Variants in SRRM2 observed in about 807,000 individuals in gnomAD.
SRRM2 encodes serine/arginine repetitive matrix 2, also known as serine/arginine repetitive matrix protein 2.
A neutral mutation model predicts 213.8 loss-of-function variants in SRRM2; 30 were observed. That is an observed-to-expected ratio of 0.14 (90% CI 0.10 to 0.19). The LOEUF is 0.19. SRRM2 is among the 10% of genes least tolerant of loss of function. SRRM2 has a pLI of 1.00. For synonymous variants in SRRM2, 2,025 were observed against 1,377.7 expected, an observed-to-expected ratio of 1.47 and a Z score of -10.40; for missense variants, 4,904 against 3,647.0, an observed-to-expected ratio of 1.34 and a Z score of -8.88.
At chr16:2,758,395 A>C (rs1281786630) in intron 4 of SRRM2, 75 bp from the exon 5 acceptor site, 1 of 1,281,276 alleles carries the variant, frequency 7.8e-7, no homozygotes, top group Admixed American at 1.9e-5. Flanking sequence ...CTATTTTTTT[A>C]GACTCTGTCT....
intron 1 of SRRM2, among the ~76,000 whole-genome samples, chr16:2,755,926 G>C (rs1435507449): frequency 6.6e-6 from 1 of 152,206 alleles, no homozygotes; most frequent in East Asian, 1.9e-4. Context: ...GGTTACCAGA[G>C]GTTAGGAATT....
In SRRM2 at chr16:2,752,815, TC is replaced by T; in HGVS notation, c.-58del. ...CGAGCAGCGGCGGCGGCAAGACCTCTCCCCCTCGGAGGCGGCGGGCGGAGGC... is the reference window on the plus strand; with the variant it reads ...CGAGCAGCGGCGGCGGCAAGACCTCTCCCCTCGGAGGCGGCGGGCGGAGGC... On this transcript the variant is annotated 5_prime_UTR_variant, in exon 1 of 15. Transcript: ENST00000301740. 6.3e-6 allele frequency: 2 copies of T among 317,402 alleles called. No homozygotes were observed. The highest frequency in any genetic ancestry group is 2.2e-5 in the South Asian group (1 of 46,490). The allele number at this position is 317,402 out of a possible 1,614,324, so 19.7% of individuals were successfully genotyped here.
In SRRM2 at chr16:2,764,517, C is replaced by T. The variant is rs201185937; in HGVS notation, c.3989C>T (p.Pro1330Leu). The change falls in exon 11 of 15, where the codon CCT becomes CTT. Residue 1330 changes from proline (P) to leucine (L), a missense_variant. Pro to Leu is a moderately conservative substitution (Grantham distance 98, BLOSUM62 -3). Coordinates refer to ENST00000301740, the MANE Select transcript of SRRM2 (RefSeq NM_016333.4). Reference protein sequence around the residue: ...SPLRENSFGSPLEFRNSGPLG... With the variant: ...SPLRENSFGSLLEFRNSGPLG... ...CTCAGGGAGAACAGCTTTGGATCAC[C>T]TTTAGAATTTAGAAACTCAGGCCCA... The T allele has an allele frequency of 1.5e-5, 24 of 1,614,172 alleles. No individual in the cohort carries two copies. The Admixed American group carries it at 3.2e-4, about 21-fold the overall frequency.
At position 2,763,123 on chromosome 16, in the gene SRRM2, A is replaced by G; in HGVS notation, c.2595A>G (p.Val865=). The G allele has an allele frequency of 2.5e-6, 4 of 1,614,162 alleles. No individual in the cohort carries two copies. Among genetic ancestry groups the G allele is most frequent in the Non-Finnish European group, 3.4e-6 (4 of 1,180,024 alleles). Residue 865 remains valine, a synonymous_variant, in exon 11 of 15, where the codon GTA becomes GTG. Coordinates refer to ENST00000301740, the MANE Select transcript of SRRM2 (RefSeq NM_016333.4). ...ITSPQANEQS[V]TPQRRSCFES... ...GTCCCCAGGCCAATGAGCAATCTGT[A>G]ACGCCACAGAGACGGAGCTGTTTTG...
In SRRM2 at chr16:2,761,691, A is replaced by C; in HGVS notation, c.1163A>C (p.Gln388Pro). ...CCCCTTGCAACCACCCCCTTAAGCC[A>C]GGAGCCAGTGAACCCCCCATCTGAG... Reference protein sequence around the residue: ...PQPLATTPLSQEPVNPPSEAS... With the variant: ...PQPLATTPLSPEPVNPPSEAS... The change falls in exon 11 of 15, where the codon CAG becomes CCG. Residue 388 changes from glutamine to proline, a missense_variant. Coordinates refer to ENST00000301740, the MANE Select transcript of SRRM2 (RefSeq NM_016333.4). The C allele has an allele frequency of 1.2e-6, 2 of 1,604,504 alleles. No homozygotes were observed. The highest frequency in any genetic ancestry group is 3.3e-4 in the Middle Eastern group (2 of 5,982).
rs2068227214 is a variant in SRRM2 at position 2,758,463 on chromosome 16, T to C, written c.516-7T>C. 6.2e-7 allele frequency: 1 copy of C among 1,613,034 alleles called. No individual in the cohort carries two copies. The highest frequency in any genetic ancestry group is 1.1e-5 in the South Asian group (1 of 91,052). On this transcript the variant is annotated splice_region_variant and splice_polypyrimidine_tract_variant and intron_variant, in intron 4 of 14. Transcript: ENST00000301740. ...ACCCATCTCTGCTGCTTTTCATTTT[T>C]CCCTAGCCTTGTTCGGGAGTCTAGC...
At position 2,766,563 on chromosome 16, in the gene SRRM2, C is replaced by T; in HGVS notation, c.6035C>T (p.Pro2012Leu). Reference sequence around the variant, plus strand: ...AGAAGGTCCCGCTCTCGAACCTCACCAGTGACACGCCGCCGCTCTAGGTCC... The same window carrying T: ...AGAAGGTCCCGCTCTCGAACCTCACTAGTGACACGCCGCCGCTCTAGGTCC... ...TRRRSRSRTS[P>L]VTRRRSRSRT... The change falls in exon 11 of 15, where the codon CCA becomes CTA. Residue 2012 changes from proline (P) to leucine (L), a missense_variant. Pro to Leu is a moderately conservative substitution (Grantham distance 98, BLOSUM62 -3). Coordinates refer to ENST00000301740, the MANE Select transcript of SRRM2 (RefSeq NM_016333.4). This position sits in a 1 kb window ranked among gnomAD's most constrained non-coding sequence, Gnocchi z 7.0. The T allele has an allele frequency of 1.9e-6, 3 of 1,614,168 alleles. No individual in the cohort carries two copies. Among genetic ancestry groups the T allele is most frequent in the East Asian group, 2.2e-5 (1 of 44,876 alleles).
chr16:2,762,348 G>C lies in SRRM2; in HGVS notation c.1820G>C (p.Arg607Thr). Residue 607 changes from arginine (R) to threonine (T), a missense_variant, in exon 11 of 15, where the codon AGA becomes ACA. Coordinates refer to ENST00000301740, the MANE Select transcript of SRRM2 (RefSeq NM_016333.4). The stretch of plus-strand genomic sequence containing the variant: ...CCCACCAGGCGTAGGTCTCGGTCTA[G>C]AACACCAGCCCGGAGGGGCAGGTCT... ...RTPTRRRSRSRTPARRGRSRS... is the reference protein window; with the variant it reads ...RTPTRRRSRSTTPARRGRSRS... 6.2e-7 allele frequency: 1 copy of C among 1,612,778 alleles called. No individual in the cohort carries two copies. Among genetic ancestry groups the C allele is most frequent in the Non-Finnish European group, 8.5e-7 (1 of 1,179,466 alleles).
intron 1 of SRRM2, 121 bp from the exon 2 acceptor site, chr16:2,756,213 A>G: frequency 1.0e-6 from 1 of 971,762 alleles, no homozygotes; most frequent in Non-Finnish European, 1.5e-6. Flanking sequence ...TATACAGCGA[A>G]GACTTAGTGT....
In SRRM2 at chr16:2,770,858, G is replaced by T. The variant is rs933814642; in HGVS notation, c.8250G>T (p.Arg2750Ser). Residue 2750 changes from arginine to serine, a missense_variant and splice_region_variant, in exon 15 of 15, where the codon AGG (arginine) becomes AGT (serine). Physicochemically the swap from Arg to Ser is moderately radical, Grantham distance 110. Transcript: ENST00000301740. ...SPRPMRHRSS[R>S]SP ...TGTTGACCCATATCTTCTCTTGCAGGTCTCCATAAATTGTCTTTGGGGGAT... is the reference window on the plus strand; with the variant it reads ...TGTTGACCCATATCTTCTCTTGCAGTTCTCCATAAATTGTCTTTGGGGGAT... 2.5e-6 allele frequency: 4 copies of T among 1,613,922 alleles called. No individual in the cohort carries two copies. The highest frequency in any genetic ancestry group is 1.7e-5 in the Admixed American group (1 of 59,998).
intron 1 of SRRM2, among the ~76,000 whole-genome samples, chr16:2,756,069 G>A (rs920821873): frequency 6.6e-6 from 1 of 152,218 alleles, no homozygotes; most frequent in East Asian, 1.9e-4. Context: ...TTAGGTGTAG[G>A]GAGGGATTAT....
At chr16:2,757,718 T>C (rs917907854) in intron 3 of SRRM2, 63 bp from the exon 4 acceptor site, 1 of 1,593,472 alleles carries the variant, frequency 6.3e-7, no homozygotes, top group African/African-American at 1.4e-5. Flanking sequence ...TGCTTATACT[T>C]GTGTTCTGAA....
At chr16:2,756,305 C>G in intron 1 of SRRM2, 29 bp from the exon 2 acceptor site, 1 of 1,504,148 alleles carries the variant, frequency 6.6e-7, no homozygotes, top group Non-Finnish European at 8.8e-7. Flanking sequence ...GGCCAGGGGC[C>G]TGACCCGTGT....
intron 2 of SRRM2, 136 bp downstream of exon 2, chr16:2,756,742 C>T (rs952217633): frequency 6.4e-6 from 8 of 1,251,692 alleles, no homozygotes; most frequent in African/African-American, 3.0e-5. Flanking sequence ...CAGATGAGCT[C>T]TAGAGAAGTG....
chr16:2,758,908 T>TTTA (rs2068241855), intron 5 of SRRM2, 77 bp from the exon 6 acceptor site: 1 of 1,555,288 alleles, frequency 6.4e-7, no homozygotes, highest in Admixed American at 1.8e-5. Flanking sequence ...TAGAAACCTT[T>TTTA]TTAGGAGAGA....
rs933633086 is a variant in SRRM2 at position 2,766,760 on chromosome 16, C to T, written c.6232C>T (p.Arg2078Cys). 9.9e-6 allele frequency: 16 copies of T among 1,614,074 alleles called. No individual in the cohort carries two copies. The highest frequency in any genetic ancestry group is 3.3e-5 in the Admixed American group (2 of 60,006). ...LTRSPPAIRR[R>C]SASGSSSDRS... The stretch of plus-strand genomic sequence containing the variant: ...AAGATCTCCTCCAGCCATCCGCAGG[C>T]GTTCTGCATCTGGAAGTAGTTCTGA... Residue 2078 changes from arginine to cysteine, a missense_variant, in exon 11 of 15, where the codon CGT becomes TGT. Coordinates refer to ENST00000301740, the MANE Select transcript of SRRM2 (RefSeq NM_016333.4). The surrounding 1 kb of genome is among the most constrained non-coding windows in gnomAD (Gnocchi z 7.0).
rs780119053 is a variant in SRRM2, at chr16:2,761,719, C to T, written c.1191C>T (p.Ala397=). ...AGCCAGTGAACCCCCCATCTGAGGC[C>T]TCTCCAACTCGGGACCGTTCACCAC... ...SQEPVNPPSE[A]SPTRDRSPPK... Residue 397 remains alanine (A), a synonymous_variant, in exon 11 of 15, where the codon GCC becomes GCT. Transcript: ENST00000301740. 1 of 1,608,106 alleles carries T rather than the reference C, an allele frequency of 6.2e-7. No individual in the cohort carries two copies. Among genetic ancestry groups the T allele is most frequent in the South Asian group, 1.1e-5 (1 of 90,186 alleles).
At chr16:2,768,469 C>A (rs1273497752) in intron 11 of SRRM2, 3 of 680,150 alleles carry the variant, frequency 4.4e-6, no homozygotes, top group East Asian at 5.4e-5. Flanking sequence ...AAGGTTCATT[C>A]TCTAGAGGAT....
Position 2,771,012 on chromosome 16 carries a change from CTTTT to C in SRRM2, c.*152_*155del, listed in dbSNP as rs372487257. The C allele has an allele frequency of 1.7e-5, 11 of 652,602 alleles. No individual in the cohort carries two copies. Among genetic ancestry groups the C allele is most frequent in the Admixed American group, 8.4e-5 (2 of 23,794 alleles). 40.4% of individuals were successfully genotyped at this position (652,602 alleles called of 1,614,324 possible). ...GGATGGAGGGCTCCCTTTCCCTCCC[CTTTT>C]TTTTTTCTTTGTTCCTGTGAAATGT... On this transcript the variant is annotated 3_prime_UTR_variant, in exon 15 of 15. Transcript: ENST00000301740.
Sources: allele counts gnomAD v4.1 joint callset (sites outside exome capture counted in the v4.1 genomes callset), GRCh38; gene constraint gnomAD v4.1.1; non-coding constraint Gnocchi (gnomAD v3.1); transcripts MANE v1.5; gene names NCBI Gene and HGNC (gene_info 2026-07-23, HGNC 2026-07-21).